The following KDM5A variants were observed in gnomAD, a reference collection of about 807,000 sequenced individuals.
KDM5A encodes lysine demethylase 5A.
In KDM5A, 42 loss-of-function variants were observed where a neutral mutation model predicts 193.5. The observed-to-expected ratio is 0.22, with a 90% CI of 0.17 to 0.28. KDM5A has a LOEUF of 0.28. Among genes scored for constraint, KDM5A ranks in the 10% least tolerant of loss-of-function variants. KDM5A has a pLI of 1.00. For synonymous variants in KDM5A, 796 were observed against 718.1 expected (o/e 1.11, Z -1.73); for missense variants, 1,692 against 2,055.1 (o/e 0.82, Z 3.42).
intron 20 of KDM5A, 142 bp downstream of exon 20, chr12:312,914 T>C: frequency 1.0e-6 from 1 of 999,534 alleles, no homozygotes; most frequent in Non-Finnish European, 1.5e-6. Context: ...CGCACCATCA[T>C]AAAGTCTAAA....
At chr12:355,882 CAT>C (rs935581522) in intron 6 of KDM5A, among the ~76,000 whole-genome samples, 3 of 152,158 alleles carry the variant, frequency 2.0e-5, no homozygotes, top group African/African-American at 4.8e-5. Flanking sequence ...TTATAATTGA[CAT>C]GTTACATAGA....
intron 9 of KDM5A, 51 bp from the exon 10 acceptor site, chr12:350,830 C>T (rs1195413428): frequency 6.7e-7 from 1 of 1,496,406 alleles, no homozygotes; most frequent in Non-Finnish European, 9.3e-7. Context: ...ATAACTATAA[C>T]CCATATAACA....
chr12:380,961 A>T (rs923609077), intron 3 of KDM5A, among the ~76,000 whole-genome samples: 1 of 150,482 alleles, frequency 6.6e-6, no homozygotes, highest in African/African-American at 2.4e-5. Context: ...CACCTGGCTA[A>T]TTTTTTGCAT....
At chr12:315,467 G>C (rs1050522094) in intron 19 of KDM5A, among the ~76,000 whole-genome samples, 2 of 152,122 alleles carry the variant, frequency 1.3e-5, no homozygotes, top group African/African-American at 4.8e-5. Flanking sequence ...CCAGCTACTC[G>C]GAAGCCTGAG....
intron 10 of KDM5A, among the ~76,000 whole-genome samples, chr12:348,385 A>G (rs1400577887): frequency 6.6e-6 from 1 of 152,182 alleles, no homozygotes; most frequent in South Asian, 2.1e-4. Context: ...TAGAAATACC[A>G]TTTGACCCAG....
At chr12:312,905 G>A (rs1345757160) in intron 20 of KDM5A, 151 bp downstream of exon 20, 11 of 911,570 alleles carry the variant, frequency 1.2e-5, no homozygotes, top group East Asian at 5.3e-5. Flanking sequence ...TATCACTTTC[G>A]CACCATCATA....
At chr12:315,860 G>A (rs114509911) in intron 19 of KDM5A, among the ~76,000 whole-genome samples, 2,057 of 152,270 alleles carry the variant, frequency 0.014, 49 homozygotes, top group African/African-American at 0.046. Flanking sequence ...AGGTATCTGT[G>A]GGACATCCGC....
chr12:375,712 T>C (rs1405246122), intron 3 of KDM5A, among the ~76,000 whole-genome samples: 4 of 152,234 alleles, frequency 2.6e-5, no homozygotes, highest in Non-Finnish European at 1.5e-5. Flanking sequence ...TTTGTGGTTT[T>C]ATCTATCTTT....
intron 12 of KDM5A, among the ~76,000 whole-genome samples, chr12:332,472 AT>A (rs1308214809): frequency 2.6e-5 from 4 of 152,198 alleles, no homozygotes; most frequent in African/African-American, 9.6e-5. Flanking sequence ...ACAAAGTAAC[AT>A]TATAAATGTT....
chr12:311,693 G>A (rs1291215942), intron 20 of KDM5A, among the ~76,000 whole-genome samples: 4 of 151,794 alleles, frequency 2.6e-5, no homozygotes, highest in African/African-American at 4.8e-5. Context: ...AGAAACAGGG[G>A]CAGCTAAGCA....
In KDM5A at chr12:334,300, G is replaced by A; in HGVS notation, c.1431C>T (p.Phe477=). Reference sequence around the variant, plus strand: ...CCTCAATGTGCCAGCAAAAAGAAGAGAAGCACATTCCCACATAGAGCCACG... The same window carrying A: ...CCTCAATGTGCCAGCAAAAAGAAGAAAAGCACATTCCCACATAGAGCCACG... ...KVPWLYVGMC[F]SSFCWHIEDH... The change falls in exon 11 of 28, where the codon TTC becomes TTT. Residue 477 remains phenylalanine, a synonymous_variant. Transcript: ENST00000399788. 1 of 1,614,142 alleles carries A rather than the reference G, an allele frequency of 6.2e-7. No individual in the cohort carries two copies. Among genetic ancestry groups the A allele is most frequent in the African/African-American group, 1.3e-5 (1 of 75,050 alleles).
chr12:302,773 T>G lies in KDM5A; in HGVS notation c.4074+4173A>C, dbSNP rs531881017. Among the ~76,000 whole-genome samples, 154 of 152,314 alleles carry G rather than the reference T, an allele frequency of 1.0e-3. 1 individual carries two copies. The highest frequency in any genetic ancestry group is 1.7e-3 in the Non-Finnish European group (113 of 68,026). On this transcript the variant is annotated intron_variant, in intron 24 of 27. Coordinates refer to ENST00000399788, the MANE Select transcript of KDM5A (RefSeq NM_001042603.3). ...AGAAAATTTTTGCCATCTATCCATC[T>G]GACAAAGGGCTAATATCCAGAATCT...
chr12:380,626 G>A (rs902329060), intron 3 of KDM5A, among the ~76,000 whole-genome samples: 2 of 152,010 alleles, frequency 1.3e-5, no homozygotes, highest in African/African-American at 4.8e-5. Flanking sequence ...AGAAGGCTGA[G>A]GCATGAGAAT....
chr12:309,774 C>A (rs770669106), intron 22 of KDM5A, 29 bp downstream of exon 22: 2 of 1,612,884 alleles, frequency 1.2e-6, no homozygotes, highest in African/African-American at 1.3e-5. Context: ...ATTCACCAAG[C>A]AAACTCAAGA....
In KDM5A at chr12:280,904, C is replaced by G. The variant is rs1452690695; in HGVS notation, c.*4552G>C. The G allele has an allele frequency of 4.3e-6, 1 of 232,814 alleles. No individual in the cohort carries two copies. Among genetic ancestry groups the G allele is most frequent in the Non-Finnish European group, 8.5e-6 (1 of 117,880 alleles). The allele number at this position is 232,814 out of a possible 1,614,324, so 14.4% of individuals were successfully genotyped here. ...CTGATCAAATTATTTTGGCTCAGTT[C>G]TTTATTTTATAGTTAGCAAATGAAA... is the stretch of plus-strand genomic sequence containing the variant. On this transcript the variant is annotated 3_prime_UTR_variant, in exon 28 of 28. Coordinates refer to ENST00000399788, the MANE Select transcript of KDM5A (RefSeq NM_001042603.3).
intron 5 of KDM5A, among the ~76,000 whole-genome samples, chr12:359,741 CA>C (rs1358759652): frequency 3.0e-3 from 112 of 37,922 alleles, no homozygotes; most frequent in African/African-American, 3.8e-3. Flanking sequence ...CACACTGCCT[CA>C]AAAAAAAAAA....
Position 318,367 on chromosome 12 carries a change from T to C in KDM5A, c.2636A>G (p.Asp879Gly), listed in dbSNP as rs781760366. The change falls in exon 19 of 28, where the codon GAT (aspartate) becomes GGT (glycine). Residue 879 changes from aspartate to glycine, a missense_variant. Asp to Gly is a moderately conservative substitution (Grantham distance 94). Coordinates refer to ENST00000399788, the MANE Select transcript of KDM5A (RefSeq NM_001042603.3). ...TTCCACATAGAGACTAGAGCCCATA[T>C]CTATCAACATCTGGAGTTTGGAAGA... is the stretch of plus-strand genomic sequence containing the variant. ...PDSSKLQMLI[D>G]MGSSLYVELP... is the part of the protein sequence containing the mutation. The C allele has an allele frequency of 5.0e-6, 8 of 1,614,050 alleles. No individual in the cohort carries two copies. The highest frequency in any genetic ancestry group is 6.8e-6 in the Non-Finnish European group (8 of 1,180,014).
intron 24 of KDM5A, 39 bp downstream of exon 24, chr12:306,907 G>C (rs2137386332): frequency 6.4e-7 from 1 of 1,563,634 alleles, no homozygotes; most frequent in South Asian, 1.1e-5. Flanking sequence ...CAAACCCAAT[G>C]ATCAGGTATG....
rs373495550 is a variant in KDM5A, at chr12:297,052, C to T, written c.4223G>A (p.Ser1408Asn). 360 of 1,613,778 alleles carry T rather than the reference C, an allele frequency of 2.2e-4. No individual in the cohort carries two copies. Among genetic ancestry groups the T allele is most frequent in the Non-Finnish European group, 3.0e-4 (350 of 1,179,972 alleles). Residue 1408 changes from serine (S) to asparagine (N), a missense_variant, in exon 25 of 28, where the codon AGT becomes AAT. Physicochemically the swap from Ser to Asn is conservative, Grantham distance 46. Transcript: ENST00000399788. ...AEHAYSSASK[S>N]CSQGSSTPRK... is the part of the protein sequence containing the mutation. ...TAAAGGAGTAATACCTTGAGAACAA[C>T]TCTTAGAAGCAGAAGAATAAGCATG...
Sources: allele counts gnomAD v4.1 joint callset (sites outside exome capture counted in the v4.1 genomes callset), GRCh38; gene constraint gnomAD v4.1.1; transcripts MANE v1.5; gene names NCBI Gene and HGNC (gene_info 2026-07-23, HGNC 2026-07-21).